The following CDH13 variants were observed in gnomAD, a reference collection of about 807,000 sequenced individuals.
CDH13 encodes cadherin 13.
CDH13 carries 24 observed loss-of-function variants against 63.8 expected under a neutral mutation model. The observed-to-expected ratio is 0.38, with a 90% CI of 0.27 to 0.53. The LOEUF (loss-of-function observed/expected upper bound fraction) is 0.53, where lower values mean the gene tolerates loss of function less well. Ranked by LOEUF, CDH13 falls within the 20% of genes least tolerant of loss-of-function variation. CDH13 has a pLI of 0.85. For synonymous variants in CDH13, 503 were observed against 355.3 expected (o/e 1.42, Z -4.67); for missense variants, 1,049 against 903.1 (o/e 1.16, Z -2.07).
chr16:82,724,053 C>T (rs999416456), intron 1 of CDH13, among the ~76,000 whole-genome samples: 21 of 152,156 alleles, frequency 1.4e-4, no homozygotes, highest in Non-Finnish European at 1.5e-4. Context: ...CTGAGCCTTT[C>T]TTGGAGTGGG....
At chr16:82,684,324 G>A (rs1175614115) in intron 1 of CDH13, among the ~76,000 whole-genome samples, 3 of 152,142 alleles carry the variant, frequency 2.0e-5, no homozygotes, top group African/African-American at 7.2e-5. Context: ...CCCTATGAAT[G>A]TCTCTGGGTC....
intron 5 of CDH13, among the ~76,000 whole-genome samples, chr16:83,320,612 A>C (rs908352487): frequency 6.6e-6 from 1 of 152,188 alleles, no homozygotes; most frequent in South Asian, 2.1e-4. Context: ...TTCTACAAGA[A>C]CAGATTTTTC....
chr16:82,884,171 C>A, intron 2 of CDH13: 1 of 455,670 alleles, frequency 2.2e-6, no homozygotes, highest in Non-Finnish European at 4.4e-6. Context: ...CTGTTTCTTT[C>A]CAACATAATA....
chr16:82,720,035 T>G (rs1035769888), intron 1 of CDH13, among the ~76,000 whole-genome samples: 2 of 152,226 alleles, frequency 1.3e-5, no homozygotes, highest in South Asian at 2.1e-4. Flanking sequence ...ATTACCAAAC[T>G]TCTTAATAAA....
intron 6 of CDH13, among the ~76,000 whole-genome samples, chr16:83,404,295 C>T (rs773554728): frequency 6.6e-6 from 1 of 152,204 alleles, no homozygotes; most frequent in Admixed American, 6.5e-5. Context: ...AATTTCCCCA[C>T]TTCTCAGTAC....
intron 1 of CDH13, among the ~76,000 whole-genome samples, chr16:82,643,790 T>C (rs1909720245): frequency 6.6e-6 from 1 of 152,182 alleles, no homozygotes; most frequent in Non-Finnish European, 1.5e-5. Flanking sequence ...TTGCCCAGGC[T>C]GGATTGCAGT....
At chr16:82,846,497 T>C (rs2039262838) in intron 1 of CDH13, among the ~76,000 whole-genome samples, 1 of 152,170 alleles carries the variant, frequency 6.6e-6, no homozygotes, top group Non-Finnish European at 1.5e-5. Flanking sequence ...CAATTATTAG[T>C]TGTGTTTTGC....
intron 2 of CDH13, among the ~76,000 whole-genome samples, chr16:82,951,485 A>G (rs374465353): frequency 6.6e-6 from 1 of 152,220 alleles, no homozygotes; most frequent in East Asian, 1.9e-4. Context: ...ACAGCTCACC[A>G]TGAGGTCGTT....
At chr16:83,205,160 C>T (rs1321420931) in intron 4 of CDH13, among the ~76,000 whole-genome samples, 2 of 152,188 alleles carry the variant, frequency 1.3e-5, no homozygotes, top group Non-Finnish European at 2.9e-5. Flanking sequence ...CAGGAGCCAC[C>T]TTGACTTAAA....
At chr16:83,230,275 G>A (rs1049312735) in intron 5 of CDH13, among the ~76,000 whole-genome samples, 5 of 152,136 alleles carry the variant, frequency 3.3e-5, no homozygotes, top group Non-Finnish European at 7.3e-5. Context: ...AATTAGCAGG[G>A]CTGTTTCTGC....
intron 3 of CDH13, among the ~76,000 whole-genome samples, chr16:83,070,141 T>A (rs1008528128): frequency 6.6e-6 from 1 of 152,178 alleles, no homozygotes; most frequent in Non-Finnish European, 1.5e-5. Flanking sequence ...ATTAAGAAAT[T>A]CTGCTCTTGC....
At chr16:83,405,294 C>A (rs2092025555) in intron 6 of CDH13, among the ~76,000 whole-genome samples, 1 of 152,108 alleles carries the variant, frequency 6.6e-6, no homozygotes, top group African/African-American at 2.4e-5. Context: ...GTACTAATTC[C>A]TGGGGCCTGT....
intron 6 of CDH13, among the ~76,000 whole-genome samples, chr16:83,355,729 C>G (rs752587140): frequency 2.5e-4 from 38 of 152,138 alleles, no homozygotes; most frequent in Non-Finnish European, 4.6e-4. Flanking sequence ...GTAGAGCTTG[C>G]AGACGAAAGA....
At chr16:82,790,394 C>T (rs544035834) in intron 1 of CDH13, among the ~76,000 whole-genome samples, 1 of 152,192 alleles carries the variant, frequency 6.6e-6, no homozygotes, top group South Asian at 2.1e-4. Context: ...AAGATCGCAC[C>T]ACTGCACTCC....
intron 1 of CDH13, among the ~76,000 whole-genome samples, chr16:82,782,668 A>G (rs1020724986): frequency 1.3e-5 from 2 of 152,222 alleles, no homozygotes; most frequent in Non-Finnish European, 2.9e-5. Flanking sequence ...TGGCACAGAC[A>G]CTTAATTATG....
At chr16:83,083,882 G>T (rs1028228264) in intron 3 of CDH13, among the ~76,000 whole-genome samples, 3 of 152,184 alleles carry the variant, frequency 2.0e-5, no homozygotes, top group Non-Finnish European at 4.4e-5. Flanking sequence ...GTTTTATTAG[G>T]TTGAGTTGTC....
At chr16:83,511,094 A>ACATGCACACG (rs147339336) in intron 7 of CDH13, among the ~76,000 whole-genome samples, 10 of 151,222 alleles carry the variant, frequency 6.6e-5, no homozygotes, top group Non-Finnish European at 1.2e-4. Flanking sequence ...GCACACACAC[A>ACATGCACACG]TGCACACATG....
At chr16:82,714,331 T>TC (rs2032190501) in intron 1 of CDH13, among the ~76,000 whole-genome samples, 1 of 151,886 alleles carries the variant, frequency 6.6e-6, no homozygotes, top group African/African-American at 2.4e-5. Flanking sequence ...AATGTAACAC[T>TC]ATTTGGCAAC....
chr16:82,711,038 T>C (rs2031901285), intron 1 of CDH13, among the ~76,000 whole-genome samples: 3 of 151,858 alleles, frequency 2.0e-5, no homozygotes, highest in Admixed American at 6.6e-5. Flanking sequence ...TTACAATATC[T>C]AGTAGCTGAA....
Sources: gnomAD v4.1 joint callset for allele counts (sites outside exome capture counted in the v4.1 genomes callset) on GRCh38, gnomAD v4.1.1 for gene constraint, MANE v1.5 for transcripts, NCBI Gene and HGNC (gene_info 2026-07-23, HGNC 2026-07-21) for gene names.